The following MTMR3 variants were observed in gnomAD, a reference collection of about 807,000 sequenced individuals.
MTMR3 encodes myotubularin related protein 3, also known as phosphatidylinositol-3,5-bisphosphate 3-phosphatase MTMR3.
Under a neutral mutation model 132.4 loss-of-function variants are expected in MTMR3, and 32 were observed. That is an observed-to-expected ratio of 0.24 (90% CI 0.18 to 0.32). MTMR3 has a LOEUF of 0.32. Among genes scored for constraint, MTMR3 ranks in the 10% least tolerant of loss-of-function variants. MTMR3 has a pLI of 1.00. For synonymous variants in MTMR3, 556 were observed against 550.3 expected (o/e 1.01, Z -0.14); for missense variants, 1,216 against 1,489.6 (o/e 0.82, Z 3.02).
intron 5 of MTMR3, chr22:29,985,872 T>C (rs1029835671): frequency 4.6e-5 from 7 of 152,216 alleles, no homozygotes; most frequent in Non-Finnish European, 8.8e-5. Context: ...TTTTGCATGG[T>C]CTGAGATAAT....
intron 1 of MTMR3, among the ~76,000 whole-genome samples, chr22:29,919,427 G>T (rs737939): frequency 0.35 from 53,609 of 152,150 alleles, 10,444 homozygotes; most frequent in East Asian, 0.72. Flanking sequence ...TCTCATCAAA[G>T]AGGTTGAAAT....
In MTMR3 at chr22:30,020,417, G is replaced by A. The variant is rs2067714451; in HGVS notation, c.2758G>A (p.Ala920Thr). The change falls in exon 17 of 20, where the codon GCC (alanine) becomes ACC (threonine). Residue 920 changes from alanine to threonine, a missense_variant. This residue lies in a region of MTMR3 where 852 missense variants were observed against 852.0 expected (regional missense o/e 1.00). Transcript: ENST00000401950. The stretch of plus-strand genomic sequence containing the variant: ...ACGTTCCCCTTGTGCCTTGCCTTTA[G>A]CCGAATGTAAAGAGGGGCTTGTGTG... Reference protein sequence around the residue: ...LTRSPCALPLAECKEGLVCNG... With the variant: ...LTRSPCALPLTECKEGLVCNG... 1.9e-6 allele frequency: 3 copies of A among 1,614,184 alleles called. No individual in the cohort carries two copies. Among genetic ancestry groups the A allele is most frequent in the Non-Finnish European group, 2.5e-6 (3 of 1,180,024 alleles).
In MTMR3 at chr22:30,025,614, T is replaced by G; in HGVS notation, c.3426-16T>G. 6.2e-7 allele frequency: 1 copy of G among 1,614,054 alleles called. No individual in the cohort carries two copies. Among genetic ancestry groups the G allele is most frequent in the Non-Finnish European group, 8.5e-7 (1 of 1,179,892 alleles). On this transcript the variant is annotated splice_polypyrimidine_tract_variant and intron_variant, in intron 19 of 19. Transcript: ENST00000401950. ...CTGGCCAAAACTAACATTGTTCTGT[T>G]TCTTCTCATCTCAAGGAATTGTGGG...
chr22:29,929,865 A>G (rs1467067475), intron 1 of MTMR3, among the ~76,000 whole-genome samples: 2 of 152,156 alleles, frequency 1.3e-5, no homozygotes, highest in African/African-American at 2.4e-5. Context: ...TTATTATTCT[A>G]ACACTTACTG....
chr22:30,020,671 C>G lies in MTMR3; in HGVS notation c.3012C>G (p.Thr1004=), dbSNP rs1423168224. The change falls in exon 17 of 20, where the codon ACC becomes ACG. Residue 1004 remains threonine, a synonymous_variant. Coordinates refer to ENST00000401950, the MANE Select transcript of MTMR3 (RefSeq NM_021090.4). ...GCCACTCAGGAAGGCCATCTGCAAC[C>G]AGCAGCCCCGACCAGCCTTCCCGCA... ...LHSHSGRPSA[T]SSPDQPSRSH... The G allele has an allele frequency of 2.5e-6, 4 of 1,614,238 alleles. No homozygotes were observed. Among genetic ancestry groups the G allele is most frequent in the Non-Finnish European group, 3.4e-6 (4 of 1,180,044 alleles).
chr22:30,023,199 G>A, intron 19 of MTMR3: 1 of 529,440 alleles, frequency 1.9e-6, no homozygotes, highest in South Asian at 2.2e-5. Context: ...TTTTCCTTCT[G>A]GGTTAGGGTA....
intron 19 of MTMR3, 152 bp downstream of exon 19, chr22:30,022,849 G>A (rs1211278634): frequency 3.1e-6 from 2 of 651,272 alleles, no homozygotes; most frequent in Admixed American, 5.6e-5. Flanking sequence ...ATTGGTGTTT[G>A]CAAAACTGCA....
In MTMR3 at chr22:30,013,371, G is replaced by A. The variant is rs1341520111; in HGVS notation, c.1333G>A (p.Val445Met). ...YRTIEGFQVLVEMEWLDFGHK... is the reference protein window; with the variant it reads ...YRTIEGFQVLMEMEWLDFGHK... The stretch of plus-strand genomic sequence containing the variant: ...TTCCCTGCAGGGTTTCCAGGTCCTC[G>A]TGGAAATGGAGTGGCTGGATTTTGG... Residue 445 changes from valine to methionine, a missense_variant, in exon 14 of 20, where the codon GTG (valine) becomes ATG (methionine). Val to Met is a conservative substitution (Grantham distance 21, BLOSUM62 1). This residue lies in a region of MTMR3 where 106 missense variants were observed against 209.5 expected (regional missense o/e 0.51). Coordinates refer to ENST00000401950, the MANE Select transcript of MTMR3 (RefSeq NM_021090.4). 3 of 1,613,710 alleles carry A rather than the reference G, an allele frequency of 1.9e-6. No individual in the cohort carries two copies. Among genetic ancestry groups the A allele is most frequent in the South Asian group, 1.1e-5 (1 of 91,062 alleles).
chr22:29,889,677 T>C, intron 1 of MTMR3, among the ~76,000 whole-genome samples: 1 of 152,114 alleles, frequency 6.6e-6, no homozygotes, highest in African/African-American at 2.4e-5. Flanking sequence ...TTTTTTTTCT[T>C]ATACATATCT....
chr22:29,931,780 CTTTTTT>C (rs34210747), intron 1 of MTMR3, among the ~76,000 whole-genome samples: 5 of 140,944 alleles, frequency 3.5e-5, no homozygotes, highest in African/African-American at 1.3e-4. Context: ...AGAGAGAATC[CTTTTTT>C]TTTTTTTTTT....
chr22:29,954,545 G>A (rs759940538), intron 1 of MTMR3, among the ~76,000 whole-genome samples: 2 of 152,084 alleles, frequency 1.3e-5, no homozygotes, highest in East Asian at 1.9e-4. Context: ...CCACCTACTC[G>A]AACCTTTTCT....
At chr22:29,949,508 C>CAA (rs1939155846) in intron 1 of MTMR3, among the ~76,000 whole-genome samples, 2 of 143,498 alleles carry the variant, frequency 1.4e-5, no homozygotes, top group African/African-American at 5.6e-5. Flanking sequence ...GCGCCCCCCC[C>CAA]CAAAAAAAAA....
intron 3 of MTMR3, among the ~76,000 whole-genome samples, chr22:29,972,820 C>G (rs2066561641): frequency 6.6e-6 from 1 of 152,204 alleles, no homozygotes; most frequent in African/African-American, 2.4e-5. Flanking sequence ...ATGTGCCTGC[C>G]TCAGTCTCCC....
intron 1 of MTMR3, among the ~76,000 whole-genome samples, chr22:29,897,529 T>C (rs2064925678): frequency 6.6e-6 from 1 of 152,178 alleles, no homozygotes; most frequent in African/African-American, 2.4e-5. Context: ...CTCTGCTCAC[T>C]GCACCCTCCA....
intron 1 of MTMR3, among the ~76,000 whole-genome samples, chr22:29,895,839 C>T (rs1374169228): frequency 2.6e-5 from 4 of 152,158 alleles, no homozygotes; most frequent in Non-Finnish European, 4.4e-5. Flanking sequence ...AGTGTCTTCT[C>T]GGTCCAGCCA....
chr22:29,962,910 C>CTTTTT (rs892383539), intron 2 of MTMR3, among the ~76,000 whole-genome samples: 2 of 133,620 alleles, frequency 1.5e-5, no homozygotes, highest in East Asian at 2.1e-4. Context: ...TCTCTTTTTT[C>CTTTTT]TTTTTTTTTT....
chr22:30,013,370 C>A lies in MTMR3; in HGVS notation c.1332C>A (p.Leu444=), dbSNP rs142887550. ...CTTCCCTGCAGGGTTTCCAGGTCCT[C>A]GTGGAAATGGAGTGGCTGGATTTTG... ...YYRTIEGFQV[L]VEMEWLDFGH... The change falls in exon 14 of 20, where the codon CTC becomes CTA. Residue 444 remains leucine (L), a synonymous_variant. Transcript: ENST00000401950. 9.3e-6 allele frequency: 15 copies of A among 1,613,662 alleles called. No homozygotes were observed. Among genetic ancestry groups the A allele is most frequent in the South Asian group, 2.2e-5 (2 of 91,046 alleles).
In MTMR3 at chr22:29,978,983, T is replaced by G. The variant is rs946698562; in HGVS notation, c.141T>G (p.Arg47=). The G allele has an allele frequency of 1.9e-6, 3 of 1,614,028 alleles. No homozygotes were observed. Among genetic ancestry groups the G allele is most frequent in the Non-Finnish European group, 2.5e-6 (3 of 1,179,964 alleles). ...LHGESTEFVG[R]AEDAIIALSN... ...GAGAGAGCACAGAGTTTGTGGGCCG[T>G]GCCGAGGATGCCATCATTGCCCTTT... The change falls in exon 5 of 20, where the codon CGT becomes CGG. Residue 47 remains arginine (R), a synonymous_variant. Coordinates refer to ENST00000401950, the MANE Select transcript of MTMR3 (RefSeq NM_021090.4).
In MTMR3 at chr22:30,016,609, A is replaced by G; in HGVS notation, c.1585A>G (p.Thr529Ala). ...CGCCAAGGAGAGAGGGGAAAAGCAT[A>G]CTCAGGAACGGACATGTTCCGTGTG... The part of the protein sequence containing the change: ...NNAKERGEKH[T>A]QERTCSVWSL... Residue 529 changes from threonine to alanine, a missense_variant, in exon 15 of 20, where the codon ACT becomes GCT. By Grantham distance (58) the Thr-to-Ala change is moderately conservative. Transcript: ENST00000401950. The G allele has an allele frequency of 8.1e-6, 13 of 1,614,180 alleles. No individual in the cohort carries two copies. The highest frequency in any genetic ancestry group is 1.1e-5 in the Non-Finnish European group (13 of 1,180,038).
Sources: allele counts gnomAD v4.1 joint callset (sites outside exome capture counted in the v4.1 genomes callset), GRCh38; gene constraint gnomAD v4.1.1; regional missense constraint gnomAD v4.1.1; transcripts MANE v1.5; gene names NCBI Gene and HGNC (gene_info 2026-07-23, HGNC 2026-07-21).